PHACTR1: variants seen among roughly 807,000 people sequenced by gnomAD.
The protein encoded by PHACTR1 is RPEL repeat containing 1.
A neutral mutation model predicts 69.2 loss-of-function variants in PHACTR1; 16 were observed. The ratio of observed to expected loss-of-function variants is 0.23; its 90% CI spans 0.16 to 0.35. PHACTR1 has a LOEUF of 0.35. Among genes scored for constraint, PHACTR1 ranks in the 10% least tolerant of loss-of-function variants. The pLI, the probability that PHACTR1 is intolerant of heterozygous loss-of-function variation, is 1.00. For synonymous variants in PHACTR1, 312 were observed against 284.5 expected, an observed-to-expected ratio of 1.10 and a Z score of -0.97; for missense variants, 510 against 734.7, an observed-to-expected ratio of 0.69 and a Z score of 3.54.
intron 5 of PHACTR1, among the ~76,000 whole-genome samples, chr6:13,117,495 A>G (rs1031148432): frequency 2.0e-5 from 3 of 152,218 alleles, no homozygotes; most frequent in African/African-American, 4.8e-5. Context: ...GTAAAGGGCT[A>G]AAATTTGAAT....
chr6:13,157,881 T>C (rs1758412457), intron 5 of PHACTR1, among the ~76,000 whole-genome samples: 1 of 151,630 alleles, frequency 6.6e-6, no homozygotes, highest in Non-Finnish European at 1.5e-5. Context: ...ATCTTTTCTT[T>C]TCTTTTCTTT....
intron 5 of PHACTR1, among the ~76,000 whole-genome samples, chr6:13,086,028 T>C (rs1812215992): frequency 7.2e-6 from 1 of 139,262 alleles, no homozygotes; most frequent in African/African-American, 2.8e-5. Flanking sequence ...TATTTCTAAA[T>C]TGAGTAAAAA....
intron 5 of PHACTR1, among the ~76,000 whole-genome samples, chr6:13,107,170 T>C (rs1182066525): frequency 6.6e-6 from 1 of 152,060 alleles, no homozygotes; most frequent in Non-Finnish European, 1.5e-5. Context: ...CAGGCTGGAG[T>C]GCAGTAGTAC....
chr6:13,072,053 GA>G (rs905298303), intron 5 of PHACTR1, among the ~76,000 whole-genome samples: 1 of 152,198 alleles, frequency 6.6e-6, no homozygotes, highest in African/African-American at 2.4e-5. Flanking sequence ...GTGGACAACT[GA>G]AAAGATTCAT....
chr6:12,756,367 A>G (rs1767321745), intron 4 of PHACTR1, among the ~76,000 whole-genome samples: 1 of 152,182 alleles, frequency 6.6e-6, no homozygotes, highest in South Asian at 2.1e-4. Context: ...TTCCTTACCC[A>G]CTTTGGTAGG....
intron 4 of PHACTR1, among the ~76,000 whole-genome samples, chr6:12,754,918 A>G (rs1458815172): frequency 1.3e-5 from 2 of 152,226 alleles, no homozygotes; most frequent in Non-Finnish European, 2.9e-5. Flanking sequence ...ATACTACACT[A>G]TTTTATGTAA....
intron 5 of PHACTR1, among the ~76,000 whole-genome samples, chr6:13,092,034 A>G (rs977860318): frequency 6.6e-6 from 1 of 152,068 alleles, no homozygotes; most frequent in Admixed American, 6.6e-5. Flanking sequence ...TCCTGACCTC[A>G]TGATCCGCCC....
chr6:13,284,624 A>C (rs1781235650), intron 13 of PHACTR1, among the ~76,000 whole-genome samples: 1 of 144,584 alleles, frequency 6.9e-6, no homozygotes, highest in African/African-American at 2.6e-5. Context: ...CCCAATGTGT[A>C]GGTAACGATA....
chr6:12,814,072 C>T (rs1775312209), intron 4 of PHACTR1, among the ~76,000 whole-genome samples: 1 of 152,208 alleles, frequency 6.6e-6, no homozygotes, highest in African/African-American at 2.4e-5. Flanking sequence ...CCTCCTTTAA[C>T]TTTACCCTGG....
chr6:12,750,316 A>C (rs1175345634), intron 4 of PHACTR1, among the ~76,000 whole-genome samples: 1 of 152,142 alleles, frequency 6.6e-6, no homozygotes, highest in Admixed American at 6.5e-5. Context: ...TGCTGGTCAT[A>C]ATAGCATGGT....
At chr6:12,842,727 T>C (rs1240164813) in intron 4 of PHACTR1, among the ~76,000 whole-genome samples, 2 of 151,900 alleles carry the variant, frequency 1.3e-5, no homozygotes, top group African/African-American at 4.8e-5. Context: ...TTTGCTGTTG[T>C]TAGAGACAGG....
At chr6:13,035,255 C>T (rs571976955) in intron 4 of PHACTR1, among the ~76,000 whole-genome samples, 4 of 152,240 alleles carry the variant, frequency 2.6e-5, no homozygotes, top group African/African-American at 4.8e-5. Context: ...CATTAGACTG[C>T]CATTTTCACA....
At chr6:13,163,155 G>A (rs759760746) in intron 6 of PHACTR1, among the ~76,000 whole-genome samples, 11 of 152,210 alleles carry the variant, frequency 7.2e-5, no homozygotes, top group Non-Finnish European at 1.6e-4. Flanking sequence ...TGAGGCAGGA[G>A]AATCACTTGA....
chr6:13,034,049 G>A (rs764594596), intron 4 of PHACTR1, among the ~76,000 whole-genome samples: 44 of 150,584 alleles, frequency 2.9e-4, no homozygotes, highest in African/African-American at 9.3e-4. Context: ...ACGGAATCTC[G>A]CTGTCGCCCA....
At position 13,133,224 on chromosome 6, in the gene PHACTR1, CCT is replaced by C. The variant is rs1377392032; in HGVS notation, c.416-26978_416-26977del. On this transcript the variant is annotated intron_variant, in intron 5 of 14. Transcript: ENST00000332995. ...GCCTCCCCCTCCCCCTCCCCCTCCC[CCT>C]CCCCCTCTCCCTCTCCCTTTCCCTC... is the stretch of plus-strand genomic sequence containing the variant. Among the ~76,000 whole-genome samples, 354 of 51,608 alleles carry C rather than the reference CCT, an allele frequency of 6.9e-3. 11 individuals are homozygous for C. Among genetic ancestry groups the C allele is most frequent in the African/African-American group, 0.027 (342 of 12,568 alleles). 33.9% of individuals were successfully genotyped at this position (51,608 alleles called of 152,430 possible).
chr6:12,739,629 T>G (rs1764774473), intron 3 of PHACTR1, among the ~76,000 whole-genome samples: 1 of 152,148 alleles, frequency 6.6e-6, no homozygotes, highest in Admixed American at 6.5e-5. Flanking sequence ...AGACTCAGCC[T>G]CTTGGTACAA....
chr6:12,843,688 T>C (rs573381514), intron 4 of PHACTR1, among the ~76,000 whole-genome samples: 1 of 152,256 alleles, frequency 6.6e-6, no homozygotes, highest in South Asian at 2.1e-4. Context: ...GCTTTGCAGA[T>C]ATTCAAAGAT....
chr6:13,148,945 G>T (rs1470710985), intron 5 of PHACTR1, among the ~76,000 whole-genome samples: 1 of 152,210 alleles, frequency 6.6e-6, no homozygotes, highest in Non-Finnish European at 1.5e-5. Context: ...CCACAGGAGT[G>T]CAGGTAGGTA....
At chr6:12,936,117 G>A (rs772047262) in intron 4 of PHACTR1, among the ~76,000 whole-genome samples, 2 of 150,778 alleles carry the variant, frequency 1.3e-5, no homozygotes, top group Non-Finnish European at 2.9e-5. Context: ...AACAATGAGT[G>A]TTGATATAGC....
Sources: allele counts gnomAD v4.1 joint callset (sites outside exome capture counted in the v4.1 genomes callset), GRCh38; gene constraint gnomAD v4.1.1; transcripts MANE v1.5; gene names NCBI Gene and HGNC (gene_info 2026-07-23, HGNC 2026-07-21).